Variants in NCOA2 observed in about 807,000 individuals in gnomAD.
The protein encoded by NCOA2 is nuclear receptor coactivator 2, also known as class E basic helix-loop-helix protein 75.
In NCOA2, 21 loss-of-function variants were observed where a neutral mutation model predicts 145.1. The observed-to-expected ratio is 0.14, with a 90% CI of 0.10 to 0.21. The LOEUF is 0.21. NCOA2 is among the 10% of genes least tolerant of loss of function. The probability of loss-of-function intolerance (pLI) is 1.00; values close to 1 mark genes in which losing one functional copy is unlikely to be tolerated. For missense variants in NCOA2, 1,472 were observed against 1,837.6 expected, an observed-to-expected ratio of 0.80 and a Z score of 3.64; for synonymous variants, 619 against 637.5, an observed-to-expected ratio of 0.97 and a Z score of 0.44.
chr8:70,390,491 GCA>G, intron 1 of NCOA2, among the ~76,000 whole-genome samples: 1 of 152,162 alleles, frequency 6.6e-6, no homozygotes, highest in African/African-American at 2.4e-5. Context: ...ATGAGGCCAG[GCA>G]CAGTGCCTCA....
At chr8:70,375,930 T>TA (rs1811625149) in intron 1 of NCOA2, among the ~76,000 whole-genome samples, 1 of 152,230 alleles carries the variant, frequency 6.6e-6, no homozygotes, top group Non-Finnish European at 1.5e-5. Context: ...ACTTTAATTT[T>TA]ATCCCCTGAC....
chr8:70,372,895 T>G (rs1214417311), intron 1 of NCOA2, among the ~76,000 whole-genome samples: 2 of 152,246 alleles, frequency 1.3e-5, no homozygotes, highest in Non-Finnish European at 2.9e-5. Flanking sequence ...CTTCTTTATT[T>G]AGCATAATAT....
chr8:70,318,024 A>G (rs1484535228), intron 1 of NCOA2, among the ~76,000 whole-genome samples: 1 of 152,236 alleles, frequency 6.6e-6, no homozygotes, highest in Admixed American at 6.5e-5. Context: ...CTAGTTGACA[A>G]AAAAATTCAA....
intron 9 of NCOA2, among the ~76,000 whole-genome samples, chr8:70,162,330 T>C (rs904422713): frequency 2.6e-5 from 4 of 152,190 alleles, no homozygotes; most frequent in African/African-American, 9.6e-5. Flanking sequence ...GGTCCCACTG[T>C]TACCTTCACC....
intron 11 of NCOA2, among the ~76,000 whole-genome samples, chr8:70,152,961 C>T (rs1054037889): frequency 1.3e-5 from 2 of 152,126 alleles, no homozygotes; most frequent in South Asian, 2.1e-4. Context: ...GTTTGTACAG[C>T]AATCAATAGG....
chr8:70,187,068 T>C (rs1360905095), intron 4 of NCOA2, among the ~76,000 whole-genome samples: 3 of 152,162 alleles, frequency 2.0e-5, no homozygotes, highest in Non-Finnish European at 2.9e-5. Context: ...TTTAAAGCAG[T>C]AGGCAATTAA....
At chr8:70,445,263 C>T in the NCOA2 span, among the ~76,000 whole-genome samples, 3 of 152,202 alleles carry the variant, frequency 2.0e-5, no homozygotes, top group African/African-American at 7.2e-5. Context: ...GGCTGAGTTA[C>T]AGCCTCACAG....
chr8:70,366,390 A>G (rs1287379055), intron 1 of NCOA2, among the ~76,000 whole-genome samples: 3 of 152,162 alleles, frequency 2.0e-5, no homozygotes. Flanking sequence ...CAAATTATAA[A>G]TCTAGGAAAT....
the NCOA2 span, among the ~76,000 whole-genome samples, chr8:70,435,302 G>A: frequency 6.7e-6 from 1 of 150,098 alleles, no homozygotes; most frequent in South Asian, 2.1e-4. Context: ...GTGGGCGCCT[G>A]TAATCCCAGC....
chr8:70,239,283 G>T (rs1821919142), intron 2 of NCOA2, among the ~76,000 whole-genome samples: 1 of 152,070 alleles, frequency 6.6e-6, no homozygotes, highest in East Asian at 1.9e-4. Flanking sequence ...GAATATATTT[G>T]AACAATGGTT....
the NCOA2 span, among the ~76,000 whole-genome samples, chr8:70,449,671 G>A: frequency 6.6e-6 from 1 of 152,330 alleles, no homozygotes; most frequent in South Asian, 2.1e-4. Flanking sequence ...CATCTGCAGA[G>A]ACCTGAGCCC....
chr8:70,349,743 C>A (rs867489071), intron 1 of NCOA2, among the ~76,000 whole-genome samples: 7 of 152,008 alleles, frequency 4.6e-5, no homozygotes, highest in South Asian at 2.1e-4. Context: ...CTCAGATTTT[C>A]TTTACTATTC....
rs113049762 is a variant in NCOA2 at position 70,129,447 on chromosome 8, T to TA, written c.3325-468dup. Among the ~76,000 whole-genome samples, 469 of 152,268 alleles carry TA rather than the reference T, an allele frequency of 3.1e-3. 5 individuals carry two copies. The highest frequency in any genetic ancestry group is 0.011 in the African/African-American group (456 of 41,542). On this transcript the variant is annotated intron_variant, in intron 16 of 22. Transcript: ENST00000452400. ...CCATCATTATCCTGATTTTGTAGCT[T>TA]AAAAAAATGAGACTTAAAGACATGA...
rs61753707 is a variant in NCOA2 at position 70,216,728 on chromosome 8, T to C, written c.18A>G (p.Glu6=). The change falls in exon 3 of 23, where the codon GAA becomes GAG. Residue 6 remains glutamate (E), a synonymous_variant. Transcript: ENST00000452400. ...CTGCCCTGGAGGGGTCAGAGGTATT[T>C]TCTCCCATCCCACTCATCTTGAACA... The part of the protein sequence containing the change: MSGMG[E]NTSDPSRAET... 9,462 of 1,613,360 alleles carry C rather than the reference T, an allele frequency of 5.9e-3. 463 individuals carry two copies. In the African/African-American group the frequency reaches 0.11, roughly 19 times the overall value.
At chr8:70,448,097 C>CT in the NCOA2 span, among the ~76,000 whole-genome samples, 31 of 148,278 alleles carry the variant, frequency 2.1e-4, no homozygotes, top group South Asian at 4.3e-4. Context: ...TTCTAACAGA[C>CT]TTTTTTTTTT....
intron 2 of NCOA2, among the ~76,000 whole-genome samples, chr8:70,277,684 T>C (rs1825564627): frequency 6.6e-6 from 1 of 152,170 alleles, no homozygotes; most frequent in South Asian, 2.1e-4. Flanking sequence ...ATTCATACTT[T>C]TATGTGAATT....
intron 2 of NCOA2, among the ~76,000 whole-genome samples, chr8:70,231,821 C>T (rs1046498072): frequency 6.6e-6 from 1 of 152,130 alleles, no homozygotes; most frequent in Non-Finnish European, 1.5e-5. Context: ...AACCCTCTCT[C>T]TACCAGTACC....
In NCOA2 at chr8:70,156,400, C is replaced by T. The variant is rs373859911; in HGVS notation, c.1965G>A (p.Ser655=). ...LTTKSDQMEP[S]PLASSLSDTN... is the part of the protein sequence containing the mutation. ...TATCCGACAAAGAGCTGGCTAAGGG[C>T]GAGGGCTCCATCTGATCAGATTTGG... The change falls in exon 11 of 23, where the codon TCG becomes TCA. Residue 655 remains serine, a synonymous_variant. Coordinates refer to ENST00000452400, the MANE Select transcript of NCOA2 (RefSeq NM_006540.4). 1,901 of 1,613,938 alleles carry T rather than the reference C, an allele frequency of 1.2e-3. 5 individuals are homozygous for T. The highest frequency in any genetic ancestry group is 4.0e-3 in the Middle Eastern group (24 of 6,062).
chr8:70,376,925 C>A (rs1811723832), intron 1 of NCOA2, among the ~76,000 whole-genome samples: 1 of 152,206 alleles, frequency 6.6e-6, no homozygotes. Context: ...CTGGCCTGTA[C>A]TTGACCCCTG....
Sources: allele counts gnomAD v4.1 joint callset (sites outside exome capture counted in the v4.1 genomes callset), GRCh38; gene constraint gnomAD v4.1.1; transcripts MANE v1.5; gene names NCBI Gene and HGNC (gene_info 2026-07-23, HGNC 2026-07-21).